The following ASH2L variants were observed in gnomAD, a reference collection of about 807,000 sequenced individuals.
The protein encoded by ASH2L is set1/Ash2 histone methyltransferase complex subunit ASH2.
In ASH2L, 30 loss-of-function variants were observed where a neutral mutation model predicts 81.1. The observed-to-expected ratio is 0.37, with a 90% CI of 0.28 to 0.50. The LOEUF (loss-of-function observed/expected upper bound fraction) is 0.50. ASH2L is among the 20% of genes least tolerant of loss of function. ASH2L has a pLI of 0.95. For synonymous variants in ASH2L, 273 were observed against 279.9 expected, an observed-to-expected ratio of 0.98 and a Z score of 0.24; for missense variants, 559 against 792.1, an observed-to-expected ratio of 0.71 and a Z score of 3.53.
At position 38,106,979 on chromosome 8, in the gene ASH2L, A is replaced by C. The variant is rs369743312; in HGVS notation, c.256-42A>C. On this transcript the variant is annotated intron_variant, in intron 2 of 15. Coordinates refer to ENST00000343823, the MANE Select transcript of ASH2L (RefSeq NM_004674.5). The stretch of plus-strand genomic sequence containing the variant: ...AAAAAAATAAAATAAAGTAAAATAC[A>C]TTCAAGTCAACTGATTTGAGTCTCG... 46 of 1,610,554 alleles carry C rather than the reference A, an allele frequency of 2.9e-5. No individual in the cohort carries two copies. The African/African-American group carries it at 5.7e-4, about 20-fold the overall frequency.
At position 38,116,661 on chromosome 8, in the gene ASH2L, C is replaced by T; in HGVS notation, c.789C>T (p.Asn263=). Residue 263 remains asparagine, a synonymous_variant, in exon 8 of 16, where the codon AAC becomes AAT. Transcript: ENST00000343823. The part of the protein sequence containing the change: ...KFGLLDQDLS[N]IGPAYDNQKQ... ...ATGTATTTTTGCAGGACCTTAGTAA[C>T]ATTGGTCCTGCTTATGACAACCAAA... 6.2e-7 allele frequency: 1 copy of T among 1,612,360 alleles called. No individual in the cohort carries two copies. The highest frequency in any genetic ancestry group is 8.5e-7 in the Non-Finnish European group (1 of 1,179,550).
At chr8:38,122,574 T>C (rs2130529433) in intron 10 of ASH2L, 1 of 152,228 alleles carries the variant, frequency 6.6e-6, no homozygotes, top group African/African-American at 2.4e-5. Context: ...ACTTCCTCAG[T>C]GGTCAGAGGT....
Position 38,105,756 on chromosome 8 carries a change from C to A in ASH2L, c.188+18C>A. On this transcript the variant is annotated intron_variant, in intron 1 of 15. Coordinates refer to ENST00000343823, the MANE Select transcript of ASH2L (RefSeq NM_004674.5). ...GAAGGCGGGTAAGAGGTCCTGCCGCCCGAGGAAGACGCGGGAGGGAGGCCC... is the reference window on the plus strand; with the variant it reads ...GAAGGCGGGTAAGAGGTCCTGCCGCACGAGGAAGACGCGGGAGGGAGGCCC... The A allele has an allele frequency of 6.6e-7, 1 of 1,504,548 alleles. No homozygotes were observed. Among genetic ancestry groups the A allele is most frequent in the Non-Finnish European group, 8.8e-7 (1 of 1,130,246 alleles). The allele number at this position is 1,504,548 out of a possible 1,614,324, so 93.2% of individuals were successfully genotyped here.
chr8:38,123,626 G>T (rs533727642), intron 10 of ASH2L, among the ~76,000 whole-genome samples: 45 of 152,262 alleles, frequency 3.0e-4, no homozygotes, highest in African/African-American at 1.1e-3. Context: ...TATGTTTGGA[G>T]TGAGGATGTG....
Position 38,121,470 on chromosome 8 carries a change from G to C in ASH2L, c.1165+321G>C, listed in dbSNP as rs562116594. ...TCTTTCTCATCAAGCTTTTCCTAAT[G>C]ATAATATCTTAGAAAACCATAGTAC... On this transcript the variant is annotated intron_variant, in intron 10 of 15. Coordinates refer to ENST00000343823, the MANE Select transcript of ASH2L (RefSeq NM_004674.5). Among the ~76,000 whole-genome samples, 11 of 150,076 alleles carry C rather than the reference G, an allele frequency of 7.3e-5. No individual in the cohort carries two copies. The South Asian group carries it at 2.1e-3, about 29-fold the overall frequency.
At chr8:38,137,417 G>GCTGGGC (rs1802307319) in intron 14 of ASH2L, 1 of 143,220 alleles carries the variant, frequency 7.0e-6, no homozygotes, top group African/African-American at 2.6e-5. Flanking sequence ...AAAAAAAAAA[G>GCTGGGC]CTGGGCCTGG....
chr8:38,119,206 AT>A lies in ASH2L; in HGVS notation c.854-61del, dbSNP rs1811031673. 2.1e-6 allele frequency: 3 copies of A among 1,432,764 alleles called. No individual in the cohort carries two copies. In the South Asian group the frequency reaches 3.7e-5, roughly 18 times the overall value. The allele number at this position is 1,432,764 out of a possible 1,614,324, so 88.8% of individuals were successfully genotyped here. A position where few individuals can be genotyped will look rare whatever the true frequency, so the allele number is the denominator to read the frequency against. On this transcript the variant is annotated intron_variant, in intron 8 of 15. Transcript: ENST00000343823. ...CATTGGGTGTGTTGGTCCCTATGGA[AT>A]TTCAGTATCCACATGGTGTTTCCCT...
chr8:38,130,218 T>G (rs969712405), intron 12 of ASH2L, among the ~76,000 whole-genome samples: 4 of 138,654 alleles, frequency 2.9e-5, no homozygotes, highest in African/African-American at 1.1e-4. Context: ...ATTCTGAGAC[T>G]TCTCTGTTCT....
At chr8:38,109,424 A>T (rs1467683521) in intron 3 of ASH2L, among the ~76,000 whole-genome samples, 2 of 152,218 alleles carry the variant, frequency 1.3e-5, no homozygotes, top group African/African-American at 4.8e-5. Flanking sequence ...AGTCCAAGAT[A>T]AACCTTTGTT....
intron 10 of ASH2L, among the ~76,000 whole-genome samples, chr8:38,122,222 A>G (rs1234343656): frequency 6.6e-6 from 1 of 151,994 alleles, no homozygotes; most frequent in East Asian, 1.9e-4. Flanking sequence ...TCTTTCGATA[A>G]GCCGTGTCTT....
chr8:38,120,951 C>G lies in ASH2L; in HGVS notation c.967C>G (p.Gln323Glu), dbSNP rs1811118827. ...CTGCAGTGACCCTTTGTTTTCTGCT[C>G]AGCGCCTTCCCCCTCATGGCTACCC... ...KARSDPLFSAQRLPPHGYPLE... is the reference protein window; with the variant it reads ...KARSDPLFSAERLPPHGYPLE... Residue 323 changes from glutamine to glutamate, a missense_variant, in exon 10 of 16, where the codon CAG (glutamine) becomes GAG (glutamate). Coordinates refer to ENST00000343823, the MANE Select transcript of ASH2L (RefSeq NM_004674.5). 1 of 1,612,808 alleles carries G rather than the reference C, an allele frequency of 6.2e-7. No homozygotes were observed. The highest frequency in any genetic ancestry group is 1.3e-5 in the African/African-American group (1 of 74,572).
chr8:38,134,840 T>G (rs545531001), intron 13 of ASH2L, among the ~76,000 whole-genome samples: 1 of 152,236 alleles, frequency 6.6e-6, no homozygotes, highest in South Asian at 2.1e-4. Context: ...AAGGCAGCCT[T>G]TTCTGAAGAA....
chr8:38,119,573 A>C (rs1335475463), intron 9 of ASH2L, among the ~76,000 whole-genome samples: 2 of 152,132 alleles, frequency 1.3e-5, no homozygotes, highest in Admixed American at 6.5e-5. Context: ...TGGGAGGTCA[A>C]GGAGGGTGGA....
rs183884487 is a variant in ASH2L at position 38,113,114 on chromosome 8, G to A, written c.586-1078G>A. Among the ~76,000 whole-genome samples, 115 of 152,122 alleles carry A rather than the reference G, an allele frequency of 7.6e-4. No homozygotes were observed. In the East Asian group the frequency reaches 0.011, roughly 15 times the overall value. On this transcript the variant is annotated intron_variant, in intron 5 of 15. Transcript: ENST00000343823. ...CTCCTGAGTAGCTGGGACTACTGGC[G>A]CATGCCACCATGCCTGGCTGATTTT...
chr8:38,119,775 C>T (rs1248884528), intron 9 of ASH2L, among the ~76,000 whole-genome samples: 2 of 151,116 alleles, frequency 1.3e-5, no homozygotes, highest in Non-Finnish European at 2.9e-5. Flanking sequence ...TGCACTCCAT[C>T]CTGGGCAACA....
chr8:38,130,184 A>G (rs781604841), intron 12 of ASH2L, among the ~76,000 whole-genome samples: 2 of 147,960 alleles, frequency 1.4e-5, no homozygotes, highest in African/African-American at 5.0e-5. Context: ...TTTCTCTTCA[A>G]ATATTTTGCC....
chr8:38,126,853 C>CAAGAAAAAAAA (rs139215680), intron 10 of ASH2L, among the ~76,000 whole-genome samples: 2 of 129,782 alleles, frequency 1.5e-5, no homozygotes, highest in African/African-American at 5.9e-5. Flanking sequence ...GACTCTGTCT[C>CAAGAAAAAAAA]AAAAAAGAAA....
Position 38,128,424 on chromosome 8 carries a change from T to TACCG in ASH2L, c.1300_1303dup (p.Ala435AspfsTer21). 1 of 1,614,148 alleles carries TACCG rather than the reference T, an allele frequency of 6.2e-7. No homozygotes were observed. The highest frequency in any genetic ancestry group is 8.5e-7 in the Non-Finnish European group (1 of 1,180,030). ...TCACTGTGGATGAGATGCCACCAGA[T>TACCG]ACCGCTGCCAGACTGGGTTGGTCCC... On this transcript the variant is annotated frameshift_variant, in exon 11 of 16. Transcript: ENST00000343823. LOFTEE classifies it high-confidence loss of function.
chr8:38,110,172 T>C (rs1810624980), intron 3 of ASH2L, among the ~76,000 whole-genome samples: 1 of 152,176 alleles, frequency 6.6e-6, no homozygotes, highest in Admixed American at 6.5e-5. Context: ...TAGCTGGGCA[T>C]GGTGGCTAAT....
Sources: gnomAD v4.1 joint callset for allele counts (sites outside exome capture counted in the v4.1 genomes callset) on GRCh38, gnomAD v4.1.1 for gene constraint, MANE v1.5 for transcripts, NCBI Gene and HGNC (gene_info 2026-07-23, HGNC 2026-07-21) for gene names.